ALDH1L1: variants seen among roughly 807,000 people sequenced by gnomAD.
ALDH1L1 encodes cytosolic 10-formyltetrahydrofolate dehydrogenase.
In ALDH1L1, 68 loss-of-function variants were observed where a neutral mutation model predicts 101.1. That is an observed-to-expected ratio of 0.67 (90% CI 0.55 to 0.82). The LOEUF is 0.82. Among genes scored for constraint, ALDH1L1 ranks in the 40% least tolerant of loss-of-function variants. The pLI is 0.00. For missense variants in ALDH1L1, 1,087 were observed against 1,172.7 expected (o/e 0.93, Z 1.07); for synonymous variants, 486 against 470.8 (o/e 1.03, Z -0.42).
chr3:126,131,985 G>A (rs1328796572), intron 12 of ALDH1L1, among the ~76,000 whole-genome samples: 1 of 152,154 alleles, frequency 6.6e-6, no homozygotes, highest in African/African-American at 2.4e-5. Context: ...GCATGCTCCT[G>A]AGCCTGGCAT....
intron 17 of ALDH1L1, 90 bp downstream of exon 17, chr3:126,117,915 G>A: frequency 7.7e-7 from 1 of 1,291,914 alleles, no homozygotes; most frequent in South Asian, 1.3e-5. Context: ...CTGGAGCCTG[G>A]GAAGCAGGAC....
intron 22 of ALDH1L1, chr3:126,105,395 C>T (rs1193566461): frequency 2.7e-5 from 10 of 375,644 alleles, no homozygotes; most frequent in African/African-American, 1.9e-4. Context: ...GCCAGAAACA[C>T]GGGCCCCTGG....
chr3:126,193,921 T>C (rs2081567181), intron 1 of ALDH1L1, among the ~76,000 whole-genome samples: 1 of 152,228 alleles, frequency 6.6e-6, no homozygotes, highest in African/African-American at 2.4e-5. Context: ...CCAGGAATTC[T>C]TACCCAATTC....
At chr3:126,114,430 A>C in intron 18 of ALDH1L1, 127 bp downstream of exon 18, 1 of 671,222 alleles carries the variant, frequency 1.5e-6, no homozygotes, top group South Asian at 4.9e-5. Flanking sequence ...TATGCTTGTG[A>C]TGACGCTATG....
intron 4 of ALDH1L1, chr3:126,155,712 C>A: frequency 6.0e-6 from 3 of 498,704 alleles, no homozygotes; most frequent in Non-Finnish European, 1.1e-5. Flanking sequence ...GTCCTCTCTA[C>A]CTGGCAAAGG....
intron 7 of ALDH1L1, chr3:126,151,318 C>G (rs2080803047): frequency 6.6e-6 from 1 of 152,218 alleles, no homozygotes; most frequent in Non-Finnish European, 1.5e-5. Flanking sequence ...AGAGGAGAGG[C>G]TGAAAAAGGG....
intron 7 of ALDH1L1, 42 bp downstream of exon 7, chr3:126,153,402 G>A (rs2080843827): frequency 6.2e-7 from 1 of 1,609,542 alleles, no homozygotes; most frequent in Admixed American, 1.7e-5. Flanking sequence ...CAGGAGCATG[G>A]GTGGCTTTGA....
intron 1 of ALDH1L1, among the ~76,000 whole-genome samples, chr3:126,175,185 C>T (rs2081348289): frequency 6.6e-6 from 1 of 152,110 alleles, no homozygotes; most frequent in Non-Finnish European, 1.5e-5. Context: ...CGTTCCAAAA[C>T]TCACACAAAG....
At chr3:126,181,944 T>C (rs1484544341), upstream of ALDH1L1, among the ~76,000 whole-genome samples, 1 of 152,186 alleles carries the variant, frequency 6.6e-6, no homozygotes, top group Non-Finnish European at 1.5e-5. Flanking sequence ...GTCCCTCATA[T>C]CTGTGGAACT....
At chr3:126,130,125 C>A in intron 14 of ALDH1L1, 98 bp downstream of exon 14, 1 of 1,154,568 alleles carries the variant, frequency 8.7e-7, no homozygotes, top group Non-Finnish European at 1.2e-6. Flanking sequence ...GATAAATGCA[C>A]GCACAGGGTG....
At chr3:126,125,461 T>C (rs2080162314) in intron 15 of ALDH1L1, among the ~76,000 whole-genome samples, 155 bp downstream of exon 15, 1 of 152,182 alleles carries the variant, frequency 6.6e-6, no homozygotes, top group Admixed American at 6.5e-5. Context: ...CTCTGCCCAC[T>C]GAGAGTGGGG....
At chr3:126,134,447 A>G (rs533103946) in intron 12 of ALDH1L1, among the ~76,000 whole-genome samples, 48 of 152,280 alleles carry the variant, frequency 3.2e-4, no homozygotes, top group African/African-American at 1.1e-3. Context: ...CTTGTTTCAC[A>G]GCTCTTCCTG....
intron 16 of ALDH1L1, 84 bp from the exon 17 acceptor site, chr3:126,118,182 C>G: frequency 9.0e-7 from 1 of 1,111,904 alleles, no homozygotes. Context: ...TGCACAGGTT[C>G]ACTGGGGGTC....
chr3:126,190,820 A>C (rs2081548660), intron 1 of ALDH1L1, among the ~76,000 whole-genome samples: 1 of 152,236 alleles, frequency 6.6e-6, no homozygotes, highest in Non-Finnish European at 1.5e-5. Flanking sequence ...CTTTGTTTCC[A>C]TAACATGCTG....
intron 16 of ALDH1L1, among the ~76,000 whole-genome samples, chr3:126,120,461 T>A (rs2080057440): frequency 2.0e-5 from 3 of 152,188 alleles, no homozygotes; most frequent in Admixed American, 1.3e-4. Context: ...TGCCAGGGAT[T>A]AGACAGAGGA....
chr3:126,169,119 C>T (rs1449753843), intron 1 of ALDH1L1, among the ~76,000 whole-genome samples: 4 of 152,040 alleles, frequency 2.6e-5, no homozygotes, highest in Non-Finnish European at 1.5e-5. Context: ...TCAAGCAAAA[C>T]AAAAATTAAT....
intron 22 of ALDH1L1, 138 bp downstream of exon 22, chr3:126,105,588 G>C (rs752503033): frequency 1.0e-6 from 1 of 996,818 alleles, no homozygotes; most frequent in Non-Finnish European, 1.6e-6. Flanking sequence ...TTCCCTCCCA[G>C]TAAGAAGCGA....
chr3:126,147,340 G>A (rs571595190), intron 8 of ALDH1L1, among the ~76,000 whole-genome samples: 65 of 152,338 alleles, frequency 4.3e-4, no homozygotes, highest in African/African-American at 1.5e-3. Context: ...GTGTGACACC[G>A]ATGCCCGGGT....
intron 10 of ALDH1L1, among the ~76,000 whole-genome samples, chr3:126,137,568 C>A (rs1019677702): frequency 2.6e-5 from 4 of 152,218 alleles, no homozygotes; most frequent in African/African-American, 9.6e-5. Context: ...TGATCACCTG[C>A]CTTGGGACTC....
Sources: gnomAD v4.1 joint callset for allele counts (sites outside exome capture counted in the v4.1 genomes callset) on GRCh38, gnomAD v4.1.1 for gene constraint, MANE v1.5 for transcripts, NCBI Gene and HGNC (gene_info 2026-07-23, HGNC 2026-07-21) for gene names.